The following SYCP1 variants were observed in gnomAD, a reference collection of about 807,000 sequenced individuals.
SYCP1 encodes the protein cancer/testis antigen 8.
A neutral mutation model predicts 153.1 loss-of-function variants in SYCP1; 64 were observed. That is an observed-to-expected ratio of 0.42 (90% CI 0.34 to 0.51). SYCP1 has a LOEUF of 0.51. Ranked by LOEUF, SYCP1 falls within the 20% of genes least tolerant of loss-of-function variation. SYCP1 has a pLI of 0.06. For missense variants in SYCP1, 997 were observed against 1,049.0 expected (o/e 0.95, Z 0.68); for synonymous variants, 384 against 341.8 (o/e 1.12, Z -1.36).
chr1:114,912,557 T>C (rs1443722441), intron 18 of SYCP1, among the ~76,000 whole-genome samples: 1 of 109,676 alleles, frequency 9.1e-6, no homozygotes, highest in Non-Finnish European at 2.4e-5. Flanking sequence ...TTAAATTCAG[T>C]TTTTTTTTTA....
intron 27 of SYCP1, among the ~76,000 whole-genome samples, chr1:114,957,643 A>G (rs1020090949): frequency 6.6e-6 from 1 of 152,232 alleles, no homozygotes; most frequent in African/African-American, 2.4e-5. Context: ...ACATTTCTCA[A>G]AAGAAGACAT....
intron 11 of SYCP1, among the ~76,000 whole-genome samples, chr1:114,877,313 A>G (rs1285160980): frequency 1.3e-5 from 2 of 152,116 alleles, no homozygotes; most frequent in African/African-American, 2.4e-5. Context: ...TGTTAACTCT[A>G]TATCCTTTGG....
chr1:114,987,374 TCAA>T (rs1001241921), intron 30 of SYCP1, among the ~76,000 whole-genome samples: 7 of 152,102 alleles, frequency 4.6e-5, no homozygotes, highest in Middle Eastern at 3.4e-3. Flanking sequence ...TGTCCAGTTT[TCAA>T]CAACAAGGGC....
At chr1:114,882,204 A>AC (rs1477878389) in intron 12 of SYCP1, among the ~76,000 whole-genome samples, 2 of 151,904 alleles carry the variant, frequency 1.3e-5, no homozygotes, top group Non-Finnish European at 2.9e-5. Flanking sequence ...AAACAAACAA[A>AC]CAAACAAACA....
At chr1:114,888,001 T>C (rs1666429772) in intron 15 of SYCP1, among the ~76,000 whole-genome samples, 1 of 152,100 alleles carries the variant, frequency 6.6e-6, no homozygotes, top group Admixed American at 6.6e-5. Flanking sequence ...TTCAGAGACC[T>C]TAATAATTCT....
chr1:114,858,374 A>T (rs186050369), intron 5 of SYCP1, among the ~76,000 whole-genome samples, 173 bp from the exon 6 acceptor site: 151 of 152,242 alleles, frequency 9.9e-4, no homozygotes, highest in African/African-American at 3.5e-3. Context: ...TGAAGTAGTT[A>T]ATATTGCCTT....
chr1:114,868,439 G>A (rs1664903998), intron 8 of SYCP1, among the ~76,000 whole-genome samples: 1 of 152,146 alleles, frequency 6.6e-6, no homozygotes, highest in African/African-American at 2.4e-5. Context: ...GGGCCACTGT[G>A]TCAGGCTCCT....
Position 114,981,390 on chromosome 1 carries a change from A to G in SYCP1, c.2437A>G (p.Lys813Glu), listed in dbSNP as rs1673143378. 1 of 1,608,034 alleles carries G rather than the reference A, an allele frequency of 6.2e-7. No homozygotes were observed. The highest frequency in any genetic ancestry group is 1.1e-5 in the South Asian group (1 of 89,390). The change falls in exon 29 of 32, where the codon AAA becomes GAA. Residue 813 changes from lysine (K) to glutamate (E), a missense_variant. Around this residue, in one of 2 missense-constraint regions of SYCP1, gnomAD observed 712 missense variants for 682.9 expected, o/e 1.04. Transcript: ENST00000369522. ...TPEIYWKLDS[K>E]AVPSQTVSRN... ...TGAAATTTATTGGAAATTGGATTCT[A>G]AAGCAGTTCCTTCACAAACTGTATC...
At chr1:114,854,695 G>A (rs1395216913), upstream of SYCP1, 1 of 152,128 alleles carries the variant, frequency 6.6e-6, no homozygotes, top group Non-Finnish European at 1.5e-5. Context: ...AGTTTCCCTA[G>A]CATTCTTTGA....
chr1:114,941,692 G>T (rs1303817064), intron 23 of SYCP1, among the ~76,000 whole-genome samples: 1 of 151,824 alleles, frequency 6.6e-6, no homozygotes, highest in African/African-American at 2.4e-5. Flanking sequence ...GTGAACTGGG[G>T]GTAAGCAGTA....
At chr1:114,919,412 T>C (rs1241291305) in intron 20 of SYCP1, among the ~76,000 whole-genome samples, 1 of 152,150 alleles carries the variant, frequency 6.6e-6, no homozygotes, top group Non-Finnish European at 1.5e-5. Flanking sequence ...TGCTAGTATG[T>C]TGTTGAAGAT....
chr1:114,986,007 G>A (rs1240969594), intron 30 of SYCP1, among the ~76,000 whole-genome samples: 1 of 151,782 alleles, frequency 6.6e-6, no homozygotes, highest in Non-Finnish European at 1.5e-5. Flanking sequence ...ATTGTATTGG[G>A]TATTATAAGT....
Position 114,874,487 on chromosome 1 carries a change from A to G in SYCP1, c.599-19A>G. The G allele has an allele frequency of 6.9e-7, 1 of 1,456,414 alleles. No homozygotes were observed. Among genetic ancestry groups the G allele is most frequent in the Non-Finnish European group, 9.4e-7 (1 of 1,062,178 alleles). 90.2% of individuals were successfully genotyped at this position (1,456,414 alleles called of 1,614,324 possible). Reference sequence around the variant, plus strand: ...TCTTATTTTAAAATTTAATCTTGAAATTTTTATATTAACAATAGATGAATA... The same window carrying G: ...TCTTATTTTAAAATTTAATCTTGAAGTTTTTATATTAACAATAGATGAATA... On this transcript the variant is annotated intron_variant, in intron 8 of 31. Coordinates refer to ENST00000369522, the MANE Select transcript of SYCP1 (RefSeq NM_003176.4).
chr1:114,975,551 G>T (rs1208062296), intron 27 of SYCP1, among the ~76,000 whole-genome samples: 1 of 151,408 alleles, frequency 6.6e-6, no homozygotes, highest in Non-Finnish European at 1.5e-5. Context: ...TATGATTCCT[G>T]TATCTCTTTA....
At chr1:114,966,623 A>G (rs1672145752) in intron 27 of SYCP1, among the ~76,000 whole-genome samples, 1 of 150,988 alleles carries the variant, frequency 6.6e-6, no homozygotes, top group South Asian at 2.1e-4. Flanking sequence ...ATTCAGGAGC[A>G]GGTTGTTTAG....
intron 27 of SYCP1, among the ~76,000 whole-genome samples, chr1:114,954,706 G>A (rs941701107): frequency 6.6e-6 from 1 of 151,878 alleles, no homozygotes; most frequent in African/African-American, 2.4e-5. Context: ...TCAGCTTCCC[G>A]AGCAGCTGGG....
Position 114,944,872 on chromosome 1 carries a change from G to A in SYCP1, c.2044G>A (p.Val682Ile), listed in dbSNP as rs747987454. ...KISEENLLEEVEKAKVIADEA... is the reference protein window; with the variant it reads ...KISEENLLEEIEKAKVIADEA... The stretch of plus-strand genomic sequence containing the variant: ...CTTTTTTTTTTTGCTTATTTGATAG[G>A]TTGAGAAAGCAAAAGTAATAGCTGA... Residue 682 changes from valine to isoleucine, a missense_variant and splice_region_variant, in exon 25 of 32, where the codon GTT becomes ATT. This residue lies in a region of SYCP1 where 712 missense variants were observed against 682.9 expected (regional missense o/e 1.04). Transcript: ENST00000369522. 9 of 1,573,880 alleles carry A rather than the reference G, an allele frequency of 5.7e-6. No individual in the cohort carries two copies. Among genetic ancestry groups the A allele is most frequent in the South Asian group, 1.2e-5 (1 of 83,292 alleles).
At chr1:114,938,624 A>T (rs1670186989) in intron 23 of SYCP1, among the ~76,000 whole-genome samples, 1 of 152,150 alleles carries the variant, frequency 6.6e-6, no homozygotes, top group Non-Finnish European at 1.5e-5. Context: ...GAATGAGTGG[A>T]AACTATACCC....
At chr1:114,892,457 G>A (rs1666779002) in intron 15 of SYCP1, among the ~76,000 whole-genome samples, 1 of 152,144 alleles carries the variant, frequency 6.6e-6, no homozygotes, top group South Asian at 2.1e-4. Flanking sequence ...CTGTACTCAG[G>A]GCATGTGACC....
Sources: allele counts gnomAD v4.1 joint callset (sites outside exome capture counted in the v4.1 genomes callset), GRCh38; gene constraint gnomAD v4.1.1; regional missense constraint gnomAD v4.1.1; transcripts MANE v1.5; gene names NCBI Gene and HGNC (gene_info 2026-07-23, HGNC 2026-07-21).